The following CELF2 variants were observed in gnomAD, a reference collection of about 807,000 sequenced individuals.
CELF2 encodes CUGBP Elav-like family member 2, also known as CUG triplet repeat RNA-binding protein 2.
Under a neutral mutation model 62.6 loss-of-function variants are expected in CELF2, and 8 were observed. The observed-to-expected ratio is 0.13, with a 90% confidence interval of 0.07 to 0.23. The LOEUF is 0.23. Ranked by LOEUF, CELF2 falls within the 10% of genes least tolerant of loss-of-function variation. CELF2 has a pLI of 1.00. For missense variants in CELF2, 333 were observed against 671.0 expected (o/e 0.50, Z 5.56); for synonymous variants, 258 against 250.0 (o/e 1.03, Z -0.30).
chr10:10,930,549 A>AGCCT (rs530950764), intron 2 of CELF2, among the ~76,000 whole-genome samples: 93 of 152,320 alleles, frequency 6.1e-4, no homozygotes, highest in African/African-American at 1.9e-3. Context: ...TTTAAGATAA[A>AGCCT]GCCTGCCGTT....
At chr10:11,045,961 T>C (rs188653559) in intron 1 of CELF2, among the ~76,000 whole-genome samples, 29 of 152,356 alleles carry the variant, frequency 1.9e-4, no homozygotes, top group Non-Finnish European at 4.0e-4. Context: ...TTCTCTGCTC[T>C]TTTCACTGAA....
chr10:11,095,671 T>C (rs1023493015), intron 1 of CELF2, among the ~76,000 whole-genome samples: 12 of 152,170 alleles, frequency 7.9e-5, no homozygotes, highest in African/African-American at 2.9e-4. Context: ...AAAGAGGTTG[T>C]GGTAGAATTT....
At chr10:10,471,807 C>A in the CELF2 span, among the ~76,000 whole-genome samples, 4,784 of 151,814 alleles carry the variant, frequency 0.032, 96 homozygotes, top group Non-Finnish European at 0.046. Flanking sequence ...AATTTTCTCA[C>A]TTTATATTTA....
the CELF2 span, among the ~76,000 whole-genome samples, chr10:10,725,468 T>G: frequency 4.7e-3 from 714 of 152,338 alleles, 3 homozygotes; most frequent in Middle Eastern, 0.017. Flanking sequence ...TAATGTATAC[T>G]CACGGCTGGT....
At chr10:10,953,365 A>G (rs1488143546) in intron 2 of CELF2, among the ~76,000 whole-genome samples, 2 of 152,222 alleles carry the variant, frequency 1.3e-5, no homozygotes, top group African/African-American at 2.4e-5. Flanking sequence ...TAAATGAGTG[A>G]CAACTGGTAA....
chr10:11,257,897 C>T, intron 5 of CELF2, 25 bp downstream of exon 5: 3 of 1,613,304 alleles, frequency 1.9e-6, no homozygotes, highest in Non-Finnish European at 2.5e-6. Context: ...TGGAAAGCCT[C>T]TCCCCTTCAG....
rs2053684760 is a variant in CELF2, at chr10:10,993,931, G to T, written c.89+73932G>T. Among the ~76,000 whole-genome samples the T allele has an allele frequency of 6.6e-6, 1 of 152,170 alleles. No homozygotes were observed. Among genetic ancestry groups the T allele is most frequent in the African/African-American group, 2.4e-5 (1 of 41,442 alleles). On this transcript the variant is annotated intron_variant, in intron 2 of 13. Transcript: ENST00000636488. This position sits in a 1 kb window ranked among gnomAD's most constrained non-coding sequence, Gnocchi z 5.3. ...AAAAAAAGACACTAGAGATGTGCAGGCATAGGGAGAAGGCTCCAAGGAGAG... is the reference window on the plus strand; with the variant it reads ...AAAAAAAGACACTAGAGATGTGCAGTCATAGGGAGAAGGCTCCAAGGAGAG...
At chr10:10,801,411 T>C (rs915466529) in intron 1 of CELF2, among the ~76,000 whole-genome samples, 9 of 152,360 alleles carry the variant, frequency 5.9e-5, no homozygotes, top group East Asian at 3.9e-4. Context: ...AACGGTTTAC[T>C]TGCCACCAAT....
At chr10:10,603,937 G>T in the CELF2 span, among the ~76,000 whole-genome samples, 1 of 152,162 alleles carries the variant, frequency 6.6e-6, no homozygotes, top group Non-Finnish European at 1.5e-5. Flanking sequence ...AACCAGGCAT[G>T]GTGGCTCATG....
In CELF2 at chr10:11,159,498, T is replaced by A. The variant is rs2065224526; in HGVS notation, c.75-5988T>A. On this transcript the variant is annotated intron_variant, in intron 1 of 12. Transcript: ENST00000633077. This position sits in a 1 kb window ranked among gnomAD's most constrained non-coding sequence, Gnocchi z 5.0. ...CCTAAATCGAAAGGATGCGCTAAGT[T>A]GAGCATGGACAGGGCGCCTCCTGAG... 6.6e-6 allele frequency among the ~76,000 whole-genome samples: 1 copy of A among 152,180 alleles called. No individual in the cohort carries two copies. The highest frequency in any genetic ancestry group is 1.5e-5 in the Non-Finnish European group (1 of 68,030).
intron 1 of CELF2, among the ~76,000 whole-genome samples, chr10:10,819,959 A>G (rs1202635845): frequency 1.3e-5 from 2 of 152,154 alleles, no homozygotes; most frequent in African/African-American, 4.8e-5. Flanking sequence ...ATTTGAATTT[A>G]TCTCCCACAG....
the CELF2 span, among the ~76,000 whole-genome samples, chr10:10,661,929 C>T: frequency 3.3e-5 from 5 of 152,244 alleles, no homozygotes; most frequent in South Asian, 1.0e-3. Context: ...TGTATCTAAA[C>T]ATCAGTCAAT....
chr10:10,465,103 T>C, the CELF2 span, among the ~76,000 whole-genome samples: 3 of 152,232 alleles, frequency 2.0e-5, no homozygotes, highest in South Asian at 2.1e-4. Context: ...CACAGACATA[T>C]GGACAAAAAT....
At chr10:11,097,963 G>C (rs1016572156) in intron 1 of CELF2, 1 of 152,462 alleles carries the variant, frequency 6.6e-6, no homozygotes. Context: ...GGGAGCACTG[G>C]ATGCCACCCT....
rs1474057082 is a variant in CELF2, at chr10:11,177,470, C to T, written c.271+11788C>T. ...AGGTTATTAAAAGGAGGATATGAAC[C>T]AAAATGTTGGCATGAATTAAGAAAA... On this transcript the variant is annotated intron_variant, in intron 2 of 12. Transcript: ENST00000633077. The surrounding 1 kb of genome is among the most constrained non-coding windows in gnomAD (Gnocchi z 4.8). 6.6e-6 allele frequency among the ~76,000 whole-genome samples: 1 copy of T among 150,390 alleles called. No homozygotes were observed. Among genetic ancestry groups the T allele is most frequent in the East Asian group, 2.0e-4 (1 of 5,112 alleles).
the CELF2 span, among the ~76,000 whole-genome samples, chr10:10,582,785 C>T: frequency 6.6e-6 from 1 of 152,124 alleles, no homozygotes; most frequent in Non-Finnish European, 1.5e-5. Context: ...ATTGGAGCTC[C>T]CAGGTCATGA....
the CELF2 span, among the ~76,000 whole-genome samples, chr10:10,711,622 C>G: frequency 6.6e-6 from 1 of 152,184 alleles, no homozygotes; most frequent in African/African-American, 2.4e-5. Context: ...TGGCTCACGC[C>G]TGTAATCCTA....
chr10:10,910,106 G>A (rs2063681745), intron 1 of CELF2, among the ~76,000 whole-genome samples: 1 of 152,184 alleles, frequency 6.6e-6, no homozygotes, highest in South Asian at 2.1e-4. Flanking sequence ...GGACTTATTA[G>A]TGATATTATG....
rs2067137359 is a variant in CELF2 at position 11,227,804 on chromosome 10, A to G, written c.354+10297A>G. ...ACTGTCACGCATCAGGGACGAGGGT[A>G]CCGAGTGAGAGCAAAGGATAGGCTC... On this transcript the variant is annotated intron_variant, in intron 3 of 12. Transcript: ENST00000633077. The surrounding 1 kb of genome is among the most constrained non-coding windows in gnomAD (Gnocchi z 4.8). 6.6e-6 allele frequency among the ~76,000 whole-genome samples: 1 copy of G among 152,184 alleles called. No homozygotes were observed.
Sources: gnomAD v4.1 joint callset for allele counts (sites outside exome capture counted in the v4.1 genomes callset) on GRCh38, gnomAD v4.1.1 for gene constraint, Gnocchi (gnomAD v3.1) non-coding constraint, MANE v1.5 for transcripts, NCBI Gene and HGNC (gene_info 2026-07-23, HGNC 2026-07-21) for gene names.